The following GALNT13 variants were observed in gnomAD, a reference collection of about 807,000 sequenced individuals.
GALNT13 encodes the protein polypeptide N-acetylgalactosaminyltransferase 13, also known as UDP-GalNAc:polypeptide N-acetylgalactosaminyltransferase 13.
GALNT13 carries 28 observed loss-of-function variants against 64.2 expected under a neutral mutation model. The ratio of observed to expected loss-of-function variants is 0.44; its 90% confidence interval spans 0.32 to 0.60. The LOEUF is 0.60. GALNT13 is among the 20% of genes least tolerant of loss of function. The pLI is 0.05. For missense variants in GALNT13, 577 were observed against 669.8 expected (o/e 0.86, Z 1.53); for synonymous variants, 214 against 224.6 (o/e 0.95, Z 0.42).
chr2:153,898,307 G>T (rs1255657041), intron 1 of GALNT13, among the ~76,000 whole-genome samples: 1 of 152,026 alleles, frequency 6.6e-6, no homozygotes, highest in Non-Finnish European at 1.5e-5. Context: ...TCAGATTTAG[G>T]TGGCTCCTAC....
chr2:153,358,419 T>C, the GALNT13 span, among the ~76,000 whole-genome samples: 1 of 152,154 alleles, frequency 6.6e-6, no homozygotes, highest in South Asian at 2.1e-4. Context: ...GGAAGAAACC[T>C]GATAGTGAAC....
At chr2:153,876,605 G>A (rs1442045077) in intron 1 of GALNT13, among the ~76,000 whole-genome samples, 7 of 152,074 alleles carry the variant, frequency 4.6e-5, no homozygotes, top group Admixed American at 3.9e-4. Flanking sequence ...TTAGACCTGT[G>A]TCTGTGTTTT....
the GALNT13 span, among the ~76,000 whole-genome samples, chr2:153,479,720 A>G: frequency 6.6e-6 from 1 of 152,136 alleles, no homozygotes; most frequent in Non-Finnish European, 1.5e-5. Context: ...AGCCCTCCCC[A>G]TTTTCCATAA....
chr2:153,682,062 C>T, the GALNT13 span, among the ~76,000 whole-genome samples: 3 of 151,658 alleles, frequency 2.0e-5, no homozygotes. Context: ...CGTTCAATGT[C>T]GTGGCATATA....
the GALNT13 span, among the ~76,000 whole-genome samples, chr2:153,808,048 G>T: frequency 2.6e-5 from 4 of 152,084 alleles, no homozygotes; most frequent in Non-Finnish European, 4.4e-5. Flanking sequence ...GCACTTAGGA[G>T]CACATGGAAC....
chr2:154,228,766 T>A (rs964916385), intron 4 of GALNT13, among the ~76,000 whole-genome samples: 3 of 152,014 alleles, frequency 2.0e-5, no homozygotes, highest in African/African-American at 7.2e-5. Context: ...GAATGAGGGG[T>A]CTGGAATCTC....
At chr2:154,038,507 C>T (rs114763888) in intron 3 of GALNT13, among the ~76,000 whole-genome samples, 200 of 152,106 alleles carry the variant, frequency 1.3e-3, no homozygotes, top group African/African-American at 4.2e-3. Flanking sequence ...CAAGAATGTG[C>T]GCTGGGGAAT....
chr2:153,298,537 T>C, the GALNT13 span, among the ~76,000 whole-genome samples: 1 of 152,232 alleles, frequency 6.6e-6, no homozygotes, highest in African/African-American at 2.4e-5. Flanking sequence ...ATAATTGTTA[T>C]ATTTGCCTTC....
At chr2:153,833,169 G>A in the GALNT13 span, among the ~76,000 whole-genome samples, 1 of 152,042 alleles carries the variant, frequency 6.6e-6, no homozygotes, top group East Asian at 1.9e-4. Context: ...AGCCCTTTTG[G>A]TCATCAGATC....
chr2:153,282,642 C>T, the GALNT13 span, among the ~76,000 whole-genome samples: 12 of 152,154 alleles, frequency 7.9e-5, no homozygotes. Context: ...TCTCAAACTC[C>T]TGGGCTCAAG....
At chr2:153,562,054 C>G in the GALNT13 span, among the ~76,000 whole-genome samples, 2 of 97,372 alleles carry the variant, frequency 2.1e-5, no homozygotes, top group Non-Finnish European at 4.1e-5. Context: ...CTCTCTCTCT[C>G]TCTCTCTGTG....
At chr2:154,256,420 T>C (rs953879688) in intron 7 of GALNT13, among the ~76,000 whole-genome samples, 1 of 152,138 alleles carries the variant, frequency 6.6e-6, no homozygotes, top group Non-Finnish European at 1.5e-5. Context: ...ATGGATTAAC[T>C]AAGGAACCAT....
At chr2:154,420,488 G>A (rs1160929471) in intron 11 of GALNT13, among the ~76,000 whole-genome samples, 1 of 151,968 alleles carries the variant, frequency 6.6e-6, no homozygotes, top group African/African-American at 2.4e-5. Flanking sequence ...AATTCGTTTT[G>A]ACTTGAGGCT....
chr2:153,522,175 A>T, the GALNT13 span, among the ~76,000 whole-genome samples: 2 of 152,074 alleles, frequency 1.3e-5, no homozygotes, highest in Non-Finnish European at 2.9e-5. Context: ...TCTACTAAAA[A>T]TACAAAAAAT....
chr2:153,350,384 C>CTTTTTTTTTTTT, the GALNT13 span, among the ~76,000 whole-genome samples: 7 of 129,966 alleles, frequency 5.4e-5, no homozygotes, highest in South Asian at 2.4e-4. Context: ...TTCTTTCTTT[C>CTTTTTTTTTTTT]TTTTTTTTTT....
At chr2:153,233,881 C>A in the GALNT13 span, among the ~76,000 whole-genome samples, 6 of 152,232 alleles carry the variant, frequency 3.9e-5, no homozygotes, top group East Asian at 1.2e-3. Context: ...ATAACATTAA[C>A]TGCCACATTA....
At chr2:154,199,320 G>A (rs2105775535) in intron 4 of GALNT13, among the ~76,000 whole-genome samples, 1 of 152,092 alleles carries the variant, frequency 6.6e-6, no homozygotes, top group South Asian at 2.1e-4. Context: ...AGCATTTTAA[G>A]TCTAGGAAGT....
intron 11 of GALNT13, among the ~76,000 whole-genome samples, chr2:154,409,902 A>G (rs867061935): frequency 6.6e-6 from 1 of 151,962 alleles, no homozygotes; most frequent in Admixed American, 6.6e-5. Context: ...TTACAAAAAT[A>G]CTTGTTGATT....
At chr2:153,502,496 G>T in the GALNT13 span, among the ~76,000 whole-genome samples, 1 of 152,142 alleles carries the variant, frequency 6.6e-6, no homozygotes, top group Non-Finnish European at 1.5e-5. Context: ...TGATTGATGG[G>T]CATTTGAGCT....
Sources: gnomAD v4.1 joint callset for allele counts (sites outside exome capture counted in the v4.1 genomes callset) on GRCh38, gnomAD v4.1.1 for gene constraint, MANE v1.5 for transcripts, NCBI Gene and HGNC (gene_info 2026-07-23, HGNC 2026-07-21) for gene names.